Variants in IMMP2L observed in about 807,000 individuals in gnomAD.
IMMP2L encodes the protein mitochondrial inner membrane protease subunit 2.
IMMP2L carries 18 observed loss-of-function variants against 19.3 expected under a neutral mutation model. The observed-to-expected ratio is 0.93, with a 90% confidence interval of 0.64 to 1.38. The LOEUF is 1.38. IMMP2L is among the 40% of genes most tolerant of loss of function. The probability of loss-of-function intolerance (pLI) is 0.00; values close to 1 mark genes in which losing one functional copy is unlikely to be tolerated. For missense variants in IMMP2L, 233 were observed against 218.2 expected (o/e 1.07, Z -0.43); for synonymous variants, 76 against 73.0 (o/e 1.04, Z -0.21).
At chr7:111,420,011 C>A (rs1476687582) in intron 3 of IMMP2L, among the ~76,000 whole-genome samples, 1 of 151,794 alleles carries the variant, frequency 6.6e-6, no homozygotes, top group Non-Finnish European at 1.5e-5. Flanking sequence ...GTGAGGATGG[C>A]TGCACCTGCA....
chr7:110,850,954 A>G (rs1403761274), intron 5 of IMMP2L, among the ~76,000 whole-genome samples: 1 of 151,866 alleles, frequency 6.6e-6, no homozygotes, highest in African/African-American at 2.4e-5. Flanking sequence ...TTTGCTAAAG[A>G]AAAAAAAGAT....
At chr7:110,718,877 T>C (rs919664971) in intron 5 of IMMP2L, among the ~76,000 whole-genome samples, 17 of 152,074 alleles carry the variant, frequency 1.1e-4, no homozygotes, top group Admixed American at 7.2e-4. Flanking sequence ...AGGGCACAAA[T>C]TAAAAATGCT....
intron 4 of IMMP2L, among the ~76,000 whole-genome samples, chr7:110,909,190 A>G (rs2129548142): frequency 6.6e-6 from 1 of 152,314 alleles, no homozygotes; most frequent in East Asian, 1.9e-4. Context: ...GTAGGAACAC[A>G]GTATGAAATG....
intron 5 of IMMP2L, among the ~76,000 whole-genome samples, chr7:110,825,918 A>G (rs1273720362): frequency 1.3e-5 from 2 of 152,206 alleles, no homozygotes; most frequent in African/African-American, 4.8e-5. Flanking sequence ...GAATGGGAGA[A>G]AATTTTCGCA....
chr7:110,857,186 C>G (rs1159547993), intron 5 of IMMP2L, among the ~76,000 whole-genome samples: 5 of 152,114 alleles, frequency 3.3e-5, no homozygotes, highest in Admixed American at 3.3e-4. Flanking sequence ...TGTTTGAATT[C>G]ATCAGTAATC....
intron 5 of IMMP2L, among the ~76,000 whole-genome samples, chr7:110,817,972 T>C (rs1802683505): frequency 6.6e-6 from 1 of 152,096 alleles, no homozygotes; most frequent in African/African-American, 2.4e-5. Context: ...TCAAGATGGG[T>C]TAAAGACTTA....
At chr7:111,318,691 C>T (rs1351232599) in intron 3 of IMMP2L, among the ~76,000 whole-genome samples, 1 of 151,976 alleles carries the variant, frequency 6.6e-6, no homozygotes, top group Non-Finnish European at 1.5e-5. Flanking sequence ...CAATACCTTA[C>T]CAAGCCACTT....
At chr7:111,164,540 G>C (rs1805623624) in intron 3 of IMMP2L, among the ~76,000 whole-genome samples, 1 of 152,040 alleles carries the variant, frequency 6.6e-6, no homozygotes, top group Non-Finnish European at 1.5e-5. Flanking sequence ...AAAGAGTGGA[G>C]TGATCCCACA....
chr7:110,859,150 G>C (rs1481216853), intron 5 of IMMP2L, among the ~76,000 whole-genome samples: 6 of 151,970 alleles, frequency 3.9e-5, no homozygotes, highest in Non-Finnish European at 8.8e-5. Context: ...AATTCTGTAG[G>C]CCCAAGCAAA....
chr7:110,946,564 A>G (rs1415315690), intron 4 of IMMP2L, among the ~76,000 whole-genome samples: 1 of 152,148 alleles, frequency 6.6e-6, no homozygotes, highest in African/African-American at 2.4e-5. Flanking sequence ...ACCAAAAATA[A>G]GATTATATAA....
chr7:110,939,786 G>A (rs139450064), intron 4 of IMMP2L, among the ~76,000 whole-genome samples: 172 of 152,240 alleles, frequency 1.1e-3, no homozygotes, highest in African/African-American at 4.0e-3. Flanking sequence ...AACATAGCAG[G>A]CTGTTAGAAA....
intron 3 of IMMP2L, among the ~76,000 whole-genome samples, chr7:111,059,936 GAAA>G (rs59195962): frequency 0.13 from 19,393 of 144,378 alleles, 1,784 homozygotes; most frequent in African/African-American, 0.26. Flanking sequence ...AAAAAAAAAA[GAAA>G]AAAAAAGAAC....
At chr7:110,942,708 T>C (rs1166176722) in intron 4 of IMMP2L, among the ~76,000 whole-genome samples, 2 of 151,396 alleles carry the variant, frequency 1.3e-5, no homozygotes, top group Non-Finnish European at 2.9e-5. Context: ...CATGAGCAGA[T>C]TTTTGTTCTT....
intron 3 of IMMP2L, among the ~76,000 whole-genome samples, chr7:111,133,099 G>A (rs750230278): frequency 4.6e-5 from 7 of 151,938 alleles, no homozygotes; most frequent in Non-Finnish European, 1.0e-4. Flanking sequence ...GGGAAGCAAG[G>A]AGTGGCCCAT....
chr7:111,132,875 T>G (rs1801981380), intron 3 of IMMP2L, among the ~76,000 whole-genome samples: 1 of 151,972 alleles, frequency 6.6e-6, no homozygotes, highest in Admixed American at 6.6e-5. Context: ...GTTAATGAGA[T>G]TCTATGGAAT....
At chr7:111,099,109 A>G (rs1208625877) in intron 3 of IMMP2L, among the ~76,000 whole-genome samples, 4 of 151,682 alleles carry the variant, frequency 2.6e-5, no homozygotes, top group Non-Finnish European at 5.9e-5. Flanking sequence ...GCAGCTTATA[A>G]CTTCCTCTAT....
chr7:111,085,459 G>C (rs1269439736), intron 3 of IMMP2L, among the ~76,000 whole-genome samples: 1 of 152,106 alleles, frequency 6.6e-6, no homozygotes, highest in African/African-American at 2.4e-5. Flanking sequence ...TTGTGGGTTT[G>C]CGTCCCATTA....
rs968413072 is a variant in IMMP2L at position 110,727,233 on chromosome 7, C to CA, written c.409-63513dup. Among the ~76,000 whole-genome samples, 4 of 151,924 alleles carry CA rather than the reference C, an allele frequency of 2.6e-5. No individual in the cohort carries two copies. Among genetic ancestry groups the CA allele is most frequent in the Non-Finnish European group, 4.4e-5 (3 of 67,956 alleles). On this transcript the variant is annotated intron_variant, in intron 5 of 5. Coordinates refer to ENST00000405709, the MANE Select transcript of IMMP2L (RefSeq NM_032549.4). This position sits in a 1 kb window ranked among gnomAD's most constrained non-coding sequence, Gnocchi z 4.3. ...TGAAACCACGTCTCTACTAAAAATACAAAAAAATGTAGTTGGGCAGGGTGG... is the reference window on the plus strand; with the variant it reads ...TGAAACCACGTCTCTACTAAAAATACAAAAAAAATGTAGTTGGGCAGGGTGG...
Position 110,663,033 on chromosome 7 carries a change from A to C in IMMP2L, c.*569T>G, listed in dbSNP as rs1041003577. The C allele has an allele frequency of 6.5e-6, 1 of 152,838 alleles. No homozygotes were observed. Among genetic ancestry groups the C allele is most frequent in the African/African-American group, 2.4e-5 (1 of 41,470 alleles). 9.5% of individuals were successfully genotyped at this position (152,838 alleles called of 1,614,324 possible). A position where few individuals can be genotyped will look rare whatever the true frequency, so the allele number is the denominator to read the frequency against. On this transcript the variant is annotated 3_prime_UTR_variant, in exon 6 of 6. Coordinates refer to ENST00000405709, the MANE Select transcript of IMMP2L (RefSeq NM_032549.4). ...AATGGATGTACTCAATGAGAATTAA[A>C]TACTCAAAACAGGACCTTAGCAAAT...
Sources: allele counts gnomAD v4.1 joint callset (sites outside exome capture counted in the v4.1 genomes callset), GRCh38; gene constraint gnomAD v4.1.1; non-coding constraint Gnocchi (gnomAD v3.1); transcripts MANE v1.5; gene names NCBI Gene and HGNC (gene_info 2026-07-23, HGNC 2026-07-21).